The following SPATA17 variants were observed in gnomAD, a reference collection of about 807,000 sequenced individuals.
SPATA17 encodes spermatogenesis associated 17.
In SPATA17, 53 loss-of-function variants were observed where a neutral mutation model predicts 62.2. The observed-to-expected ratio is 0.85, with a 90% CI of 0.68 to 1.07. The LOEUF (loss-of-function observed/expected upper bound fraction) is 1.07, where lower values mean the gene tolerates loss of function less well. SPATA17 is among the 50% of genes least tolerant of loss of function. The pLI is 0.00. For missense variants in SPATA17, 466 were observed against 425.5 expected (o/e 1.10, Z -0.84); for synonymous variants, 146 against 146.8 (o/e 0.99, Z 0.04).
At chr1:217,740,807 T>A (rs1269832708) in intron 5 of SPATA17, among the ~76,000 whole-genome samples, 18 of 152,182 alleles carry the variant, frequency 1.2e-4, no homozygotes. Context: ...TAAGCAATTT[T>A]CAAGAGAAGG....
chr1:217,849,457 A>AG (rs1294702105), intron 9 of SPATA17, among the ~76,000 whole-genome samples: 7 of 152,184 alleles, frequency 4.6e-5, no homozygotes, highest in Non-Finnish European at 1.0e-4. Context: ...TCCTAAAAAA[A>AG]CAAACTTATA....
At chr1:217,730,523 G>A (rs1174157448) in intron 5 of SPATA17, among the ~76,000 whole-genome samples, 5 of 151,822 alleles carry the variant, frequency 3.3e-5, no homozygotes, top group Admixed American at 6.6e-5. Flanking sequence ...GCCCAGCCAA[G>A]TTTTTGTTTG....
intron 8 of SPATA17, among the ~76,000 whole-genome samples, chr1:217,793,848 G>A (rs1340703471): frequency 3.3e-5 from 5 of 152,124 alleles, no homozygotes; most frequent in African/African-American, 1.2e-4. Flanking sequence ...GGGTGCGGTG[G>A]CTCACGCCTG....
At chr1:217,824,701 A>G (rs1169228903) in intron 9 of SPATA17, among the ~76,000 whole-genome samples, 2 of 150,920 alleles carry the variant, frequency 1.3e-5, no homozygotes, top group Admixed American at 1.3e-4. Flanking sequence ...TATATTTTAT[A>G]ATGTGTTCTT....
chr1:217,668,003 A>T (rs1003391582), intron 3 of SPATA17, among the ~76,000 whole-genome samples: 1 of 152,234 alleles, frequency 6.6e-6, no homozygotes, highest in Admixed American at 6.5e-5. Context: ...TTCAAACAAC[A>T]CTAATTACAG....
At chr1:217,636,656 T>C (rs905747438) in intron 1 of SPATA17, among the ~76,000 whole-genome samples, 1 of 152,190 alleles carries the variant, frequency 6.6e-6, no homozygotes, top group African/African-American at 2.4e-5. Context: ...ACTCCTGGGC[T>C]CAAGCCATCT....
chr1:217,846,172 G>C (rs1385302177), intron 9 of SPATA17, among the ~76,000 whole-genome samples: 1 of 151,874 alleles, frequency 6.6e-6, no homozygotes, highest in Admixed American at 6.6e-5. Context: ...GAAACTAATG[G>C]GATTCTAGAT....
chr1:217,767,214 G>A (rs1049010772), intron 6 of SPATA17, among the ~76,000 whole-genome samples: 1 of 152,064 alleles, frequency 6.6e-6, no homozygotes, highest in Non-Finnish European at 1.5e-5. Flanking sequence ...CATGGTTTCT[G>A]AGGAGAAATT....
chr1:217,731,581 T>C (rs1672403371), intron 5 of SPATA17, among the ~76,000 whole-genome samples: 1 of 152,172 alleles, frequency 6.6e-6, no homozygotes, highest in South Asian at 2.1e-4. Flanking sequence ...TAATGATCTT[T>C]CTGAAATATA....
intron 9 of SPATA17, among the ~76,000 whole-genome samples, chr1:217,855,631 C>T (rs1349725387): frequency 6.6e-6 from 1 of 151,934 alleles, no homozygotes. Flanking sequence ...GATCATTTAT[C>T]CTTCAGTTTG....
chr1:217,761,465 T>A (rs1673170984), intron 6 of SPATA17, among the ~76,000 whole-genome samples: 1 of 152,172 alleles, frequency 6.6e-6, no homozygotes, highest in African/African-American at 2.4e-5. Context: ...GTACTTCCAA[T>A]ATACATATAC....
chr1:217,742,802 AT>A (rs1009344993), intron 6 of SPATA17, among the ~76,000 whole-genome samples: 76 of 151,960 alleles, frequency 5.0e-4, no homozygotes, highest in Non-Finnish European at 9.7e-4. Flanking sequence ...CCGGGTTTTT[AT>A]TTTTTTCTCA....
chr1:217,670,891 C>T (rs1246814300), intron 4 of SPATA17, among the ~76,000 whole-genome samples: 3 of 144,280 alleles, frequency 2.1e-5, no homozygotes, highest in Non-Finnish European at 4.5e-5. Context: ...GCGGAAGTGG[C>T]AGTGAGCCGA....
intron 9 of SPATA17, among the ~76,000 whole-genome samples, chr1:217,822,079 A>G (rs1344607946): frequency 6.6e-6 from 1 of 152,078 alleles, no homozygotes; most frequent in Non-Finnish European, 1.5e-5. Flanking sequence ...ATCTACCTAA[A>G]ATGTCAATTA....
At chr1:217,633,500 C>T (rs1042675027) in intron 1 of SPATA17, among the ~76,000 whole-genome samples, 1 of 148,186 alleles carries the variant, frequency 6.7e-6, no homozygotes, top group Admixed American at 6.7e-5. Flanking sequence ...AATCCCAGCA[C>T]GTTGGGAGGC....
At chr1:217,681,248 A>T (rs899071734) in intron 4 of SPATA17, among the ~76,000 whole-genome samples, 6 of 151,446 alleles carry the variant, frequency 4.0e-5, no homozygotes, top group Admixed American at 3.3e-4. Flanking sequence ...ATAAATAAAT[A>T]AAATAAAATA....
At chr1:217,696,435 G>A (rs919529475) in intron 5 of SPATA17, among the ~76,000 whole-genome samples, 4 of 152,160 alleles carry the variant, frequency 2.6e-5, no homozygotes, top group Admixed American at 6.5e-5. Flanking sequence ...AGATGGAAAT[G>A]CAGAAATCAC....
At chr1:217,849,184 A>C (rs1675591553) in intron 9 of SPATA17, among the ~76,000 whole-genome samples, 1 of 152,020 alleles carries the variant, frequency 6.6e-6, no homozygotes, top group African/African-American at 2.4e-5. Context: ...ACATCTGTTG[A>C]TCTTTTGCTG....
At chr1:217,835,614 T>C (rs1675245542) in intron 9 of SPATA17, among the ~76,000 whole-genome samples, 1 of 152,130 alleles carries the variant, frequency 6.6e-6, no homozygotes, top group African/African-American at 2.4e-5. Flanking sequence ...AGTCAATACA[T>C]GGATGAACTC....
Sources: allele counts gnomAD v4.1 joint callset (sites outside exome capture counted in the v4.1 genomes callset), GRCh38; gene constraint gnomAD v4.1.1; transcripts MANE v1.5; gene names NCBI Gene and HGNC (gene_info 2026-07-23, HGNC 2026-07-21).